Variants in PCDHA2 observed in about 807,000 individuals in gnomAD.
The protein encoded by PCDHA2 is protocadherin alpha 2.
PCDHA2 carries 58 observed loss-of-function variants against 66.0 expected under a neutral mutation model. That is an observed-to-expected ratio of 0.88 (90% CI 0.71 to 1.09). The LOEUF is 1.09. Ranked by LOEUF, PCDHA2 falls within the 50% of genes least tolerant of loss-of-function variation. The pLI is 0.00. For synonymous variants in PCDHA2, 634 were observed against 554.0 expected (o/e 1.14, Z -2.03); for missense variants, 1,267 against 1,242.3 (o/e 1.02, Z -0.30).
Position 140,796,103 on chromosome 5 carries a change from GTA to G in PCDHA2, c.1140_1141del (p.Thr381GlufsTer41), listed in dbSNP as rs782344928. On this transcript the variant is annotated frameshift_variant, in exon 1 of 4. Transcript: ENST00000526136. LOFTEE classifies it high-confidence loss of function. Reference sequence around the variant, plus strand: ...ATCACGGTGTCGGATCGCGACTCTGGTACGAATGGACATGTCACCTGCTCCCT... The same window carrying G: ...ATCACGGTGTCGGATCGCGACTCTGGCGAATGGACATGTCACCTGCTCCCT... 2 of 1,614,180 alleles carry G rather than the reference GTA, an allele frequency of 1.2e-6. No individual in the cohort carries two copies. The highest frequency in any genetic ancestry group is 1.7e-6 in the Non-Finnish European group (2 of 1,180,038).
intron 1 of PCDHA2, chr5:140,804,878 A>T: frequency 4.3e-5 from 24 of 558,476 alleles, no homozygotes; most frequent in East Asian, 6.8e-5. Context: ...ATTTTTCTTG[A>T]CTCCTCTCCT....
At position 140,850,009 on chromosome 5, in the gene PCDHA2, C is replaced by G. The variant is rs2150463255; in HGVS notation, c.2388+52657C>G. The G allele has an allele frequency of 3.8e-5, 61 of 1,596,962 alleles. 4 individuals carry two copies. Among genetic ancestry groups the G allele is most frequent in the Non-Finnish European group, 5.1e-5 (60 of 1,167,842 alleles). On this transcript the variant is annotated intron_variant, in intron 1 of 3. Transcript: ENST00000526136. ...CGGCGGTTGGGCGAGCGCTCGCTGT[C>G]GAGCTACGTGTCAGTGCACGCGGAG...
At chr5:140,913,657 G>A (rs1554196018) in intron 1 of PCDHA2, among the ~76,000 whole-genome samples, 1 of 152,170 alleles carries the variant, frequency 6.6e-6, no homozygotes, top group Non-Finnish European at 1.5e-5. Context: ...TCTTTAAGAT[G>A]TATAGTTAGG....
At chr5:140,857,920 G>A (rs2045011675) in intron 1 of PCDHA2, 2 of 1,597,818 alleles carry the variant, frequency 1.3e-6, no homozygotes, top group Non-Finnish European at 1.7e-6. Flanking sequence ...TTCGCGTGGG[G>A]CTGTACACGG....
At chr5:140,957,893 C>T (rs1554223179) in intron 1 of PCDHA2, among the ~76,000 whole-genome samples, 1 of 151,938 alleles carries the variant, frequency 6.6e-6, no homozygotes, top group Non-Finnish European at 1.5e-5. Flanking sequence ...AAGTTGGCAT[C>T]AACCAAGGCA....
chr5:140,843,259 T>G lies in PCDHA2; in HGVS notation c.2388+45907T>G, dbSNP rs143217470. Reference sequence around the variant, plus strand: ...ACGAAGCGGACTCTCCGCGCCACCGTCTGCTGGTCCTGGTGAAGGATCATG... The same window carrying G: ...ACGAAGCGGACTCTCCGCGCCACCGGCTGCTGGTCCTGGTGAAGGATCATG... On this transcript the variant is annotated intron_variant, in intron 1 of 3. Transcript: ENST00000526136. 98 of 1,596,004 alleles carry G rather than the reference T, an allele frequency of 6.1e-5. 8 individuals are homozygous for G. In the African/African-American group the frequency reaches 1.1e-3, roughly 18 times the overall value.
At chr5:140,957,531 G>A (rs2095365025) in intron 1 of PCDHA2, among the ~76,000 whole-genome samples, 1 of 152,080 alleles carries the variant, frequency 6.6e-6, no homozygotes, top group Non-Finnish European at 1.5e-5. Flanking sequence ...ATTCAGTGGG[G>A]ATCTTAGAAA....
chr5:140,858,005 C>T, intron 1 of PCDHA2: 1 of 1,596,884 alleles, frequency 6.3e-7, no homozygotes, highest in East Asian at 2.2e-5. Flanking sequence ...GGTGAAGGAC[C>T]ATGGCGAGCC....
At position 140,883,588 on chromosome 5, in the gene PCDHA2, C is replaced by A. The variant is rs781923113; in HGVS notation, c.2388+86236C>A. 5.6e-6 allele frequency: 9 copies of A among 1,613,794 alleles called. No homozygotes were observed. In the East Asian group the frequency reaches 6.7e-5, roughly 12 times the overall value. ...CGCCTTCGCTGTGGGCCACGGCCAG[C>A]GTGTCGGTGGGGGTGGCCGACGTGA... is the stretch of plus-strand genomic sequence containing the variant. On this transcript the variant is annotated intron_variant, in intron 1 of 3. Coordinates refer to ENST00000526136, the MANE Select transcript of PCDHA2 (RefSeq NM_018905.3).
chr5:140,834,794 AAG>A (rs1773294671), intron 1 of PCDHA2: 1 of 1,613,446 alleles, frequency 6.2e-7, no homozygotes, highest in South Asian at 1.1e-5. Flanking sequence ...CAGCGACACA[AAG>A]GAATCTGTTC....
intron 1 of PCDHA2, among the ~76,000 whole-genome samples, chr5:140,820,967 C>T (rs960762202): frequency 6.6e-6 from 1 of 151,658 alleles, no homozygotes; most frequent in African/African-American, 2.4e-5. Flanking sequence ...TGAGTCAATA[C>T]AAAAAGTAGA....
rs1374109552 is a variant in PCDHA2 at position 141,010,068 on chromosome 5, T to C, written c.*131T>C. On this transcript the variant is annotated 3_prime_UTR_variant, in exon 4 of 4. Transcript: ENST00000526136. ...AGAGACCTCAGAAATCTGCAGAAAGTTCCCTGTGTCTGTCTAGAACGCATT... is the reference window on the plus strand; with the variant it reads ...AGAGACCTCAGAAATCTGCAGAAAGCTCCCTGTGTCTGTCTAGAACGCATT... 4 of 1,604,732 alleles carry C rather than the reference T, an allele frequency of 2.5e-6. No homozygotes were observed. Among genetic ancestry groups the C allele is most frequent in the Non-Finnish European group, 3.4e-6 (4 of 1,175,400 alleles).
intron 1 of PCDHA2, chr5:140,875,158 AC>A: frequency 3.0e-6 from 1 of 338,826 alleles, no homozygotes; most frequent in East Asian, 5.5e-5. Flanking sequence ...GTGAAAAATA[AC>A]CCAAAGTCGA....
At chr5:141,000,395 CTA>C (rs1190667031) in intron 3 of PCDHA2, among the ~76,000 whole-genome samples, 91 of 53,954 alleles carry the variant, frequency 1.7e-3, no homozygotes, top group Admixed American at 3.8e-3. Flanking sequence ...CTCTCTCTCT[CTA>C]TATATATATA....
At chr5:140,818,692 G>A (rs1485598077) in intron 1 of PCDHA2, among the ~76,000 whole-genome samples, 2 of 152,182 alleles carry the variant, frequency 1.3e-5, no homozygotes, top group African/African-American at 2.4e-5. Context: ...AAAAAAATTA[G>A]CTAGATGTGG....
Position 140,923,994 on chromosome 5 carries a change from C to T in PCDHA2, c.2389-54955C>T, listed in dbSNP as rs147193427. ...ACATACTATCCCTCTAGGTGCAGCT[C>T]AGAATTCCTAAACCTGGTATAATTG... On this transcript the variant is annotated intron_variant, in intron 1 of 3. Transcript: ENST00000526136. Among the ~76,000 whole-genome samples the T allele has an allele frequency of 8.1e-3, 1,228 of 152,292 alleles. 6 individuals are homozygous for T. The highest frequency in any genetic ancestry group is 0.019 in the African/African-American group (795 of 41,560).
At chr5:140,825,740 A>G (rs1768694817) in intron 1 of PCDHA2, 1 of 152,450 alleles carries the variant, frequency 6.6e-6, no homozygotes, top group South Asian at 2.1e-4. Flanking sequence ...TATATTGATG[A>G]GGAGTAACTG....
chr5:140,960,541 C>T (rs1200507322), intron 1 of PCDHA2, among the ~76,000 whole-genome samples: 1 of 151,924 alleles, frequency 6.6e-6, no homozygotes, highest in Non-Finnish European at 1.5e-5. Context: ...GAAACTGTGG[C>T]CTTCATATAG....
At chr5:140,841,679 G>A (rs1554138418) in intron 1 of PCDHA2, 3 of 1,613,866 alleles carry the variant, frequency 1.9e-6, no homozygotes, top group South Asian at 1.1e-5. Context: ...TTTCCATGTG[G>A]ACGTGGAGGT....
Sources: gnomAD v4.1 joint callset for allele counts (sites outside exome capture counted in the v4.1 genomes callset) on GRCh38, gnomAD v4.1.1 for gene constraint, MANE v1.5 for transcripts, NCBI Gene and HGNC (gene_info 2026-07-23, HGNC 2026-07-21) for gene names.